Variants in ASIC2 observed in about 807,000 individuals in gnomAD.
ASIC2 encodes acid sensing ion channel subunit 2, also known as acid-sensing ion channel 2.
In ASIC2, 25 loss-of-function variants were observed where a neutral mutation model predicts 57.3. The ratio of observed to expected loss-of-function variants is 0.44; its 90% CI spans 0.32 to 0.61. ASIC2 has a LOEUF of 0.61. Among genes scored for constraint, ASIC2 ranks in the 20% least tolerant of loss-of-function variants. The pLI, the probability that ASIC2 is intolerant of heterozygous loss-of-function variation, is 0.06. For missense variants in ASIC2, 641 were observed against 738.1 expected, an observed-to-expected ratio of 0.87 and a Z score of 1.52; for synonymous variants, 319 against 307.5, an observed-to-expected ratio of 1.04 and a Z score of -0.39.
chr17:33,037,279 A>G (rs914493817), intron 3 of ASIC2, among the ~76,000 whole-genome samples: 14 of 151,936 alleles, frequency 9.2e-5, no homozygotes. Flanking sequence ...TTTGGGGGAA[A>G]CTCGTTTCTC....
rs1206092243 is a variant in ASIC2 at position 33,554,940 on chromosome 17, C to T, written c.556-442873G>A. Among the ~76,000 whole-genome samples the T allele has an allele frequency of 2.0e-5, 3 of 152,094 alleles. No individual in the cohort carries two copies. In the East Asian group the frequency reaches 5.8e-4, roughly 29 times the overall value. ...GAGCCTCTCACATATCAAGGTGAGG[C>T]TGAGGGTTTTAAATAAATTTTTATC... On this transcript the variant is annotated intron_variant, in intron 1 of 9. Coordinates refer to the ASIC2 transcript ENST00000359872.
intron 1 of ASIC2, among the ~76,000 whole-genome samples, chr17:33,551,161 T>C (rs1247389435): frequency 1.3e-5 from 2 of 152,184 alleles, no homozygotes; most frequent in East Asian, 3.8e-4. Context: ...GCTGTTAACA[T>C]TTGGTCGGAT....
At chr17:33,562,650 G>A (rs1475929984) in intron 1 of ASIC2, among the ~76,000 whole-genome samples, 1 of 152,160 alleles carries the variant, frequency 6.6e-6, no homozygotes, top group Non-Finnish European at 1.5e-5. Flanking sequence ...GGAAAAAGGA[G>A]CGTCTCAGAC....
chr17:33,530,615 G>A (rs1915021838), intron 1 of ASIC2, among the ~76,000 whole-genome samples: 1 of 152,228 alleles, frequency 6.6e-6, no homozygotes, highest in Admixed American at 6.5e-5. Flanking sequence ...TTTTGGGCCT[G>A]CACTAAGCCC....
At chr17:33,515,180 G>A (rs182701231) in intron 1 of ASIC2, among the ~76,000 whole-genome samples, 6 of 152,336 alleles carry the variant, frequency 3.9e-5, no homozygotes, top group Middle Eastern at 3.4e-3. Context: ...TTGCTCCGTC[G>A]CTGTTCCTGA....
At chr17:33,470,632 T>C (rs1324729212) in intron 1 of ASIC2, among the ~76,000 whole-genome samples, 1 of 152,208 alleles carries the variant, frequency 6.6e-6, no homozygotes, top group Non-Finnish European at 1.5e-5. Flanking sequence ...CATCACCTGC[T>C]CTTCAGTTCT....
intron 1 of ASIC2, among the ~76,000 whole-genome samples, chr17:33,274,414 T>C (rs372327303): frequency 6.6e-6 from 1 of 152,198 alleles, no homozygotes; most frequent in African/African-American, 2.4e-5. Context: ...TCCTAGCGTA[T>C]AGTTCTCCAA....
chr17:33,231,302 C>T (rs1323955654), intron 1 of ASIC2, among the ~76,000 whole-genome samples: 1 of 152,212 alleles, frequency 6.6e-6, no homozygotes, highest in Non-Finnish European at 1.5e-5. Context: ...GGCCTAATAT[C>T]TGTGGGAGTT....
intron 1 of ASIC2, among the ~76,000 whole-genome samples, chr17:33,850,904 G>A (rs999019938): frequency 3.3e-5 from 5 of 151,884 alleles, no homozygotes; most frequent in African/African-American, 7.3e-5. Flanking sequence ...GGACTTGGCC[G>A]TCCCAGCCCA....
chr17:33,479,023 G>A (rs890911006), intron 1 of ASIC2, among the ~76,000 whole-genome samples: 5 of 151,982 alleles, frequency 3.3e-5, no homozygotes, highest in Non-Finnish European at 5.9e-5. Flanking sequence ...ATTTTGAGAC[G>A]GAGTCTTGCT....
intron 1 of ASIC2, among the ~76,000 whole-genome samples, chr17:33,387,785 T>C (rs540334891): frequency 4.3e-4 from 65 of 152,288 alleles, no homozygotes; most frequent in African/African-American, 1.5e-3. Context: ...TGAAATTTGC[T>C]AAGAGGGGAG....
At chr17:33,852,123 C>A (rs140493511) in intron 1 of ASIC2, among the ~76,000 whole-genome samples, 38 of 152,352 alleles carry the variant, frequency 2.5e-4, no homozygotes, top group African/African-American at 8.7e-4. Context: ...AGCCAGCAGG[C>A]TGTGCAAGCA....
At chr17:33,354,332 C>T (rs866987735) in intron 1 of ASIC2, among the ~76,000 whole-genome samples, 2 of 152,122 alleles carry the variant, frequency 1.3e-5, no homozygotes, top group Non-Finnish European at 2.9e-5. Context: ...CACTATGAGC[C>T]CCCTGGAGGA....
chr17:33,023,476 C>T (rs1250675241), intron 6 of ASIC2, among the ~76,000 whole-genome samples: 1 of 147,614 alleles, frequency 6.8e-6, no homozygotes, highest in Non-Finnish European at 1.5e-5. Context: ...GGCAACAGGG[C>T]GAGGCTCCAT....
intron 1 of ASIC2, among the ~76,000 whole-genome samples, chr17:33,873,638 G>A (rs1188995910): frequency 6.6e-6 from 1 of 152,282 alleles, no homozygotes; most frequent in East Asian, 1.9e-4. Context: ...ATAAAGAATT[G>A]TTGTAAAGAT....
At chr17:34,039,147 G>C in intron 1 of ASIC2, 1 of 1,613,958 alleles carries the variant, frequency 6.2e-7, no homozygotes. Context: ...TCAAATCACA[G>C]ATGGCTCTTA....
chr17:33,874,046 C>T (rs378448), intron 1 of ASIC2, among the ~76,000 whole-genome samples: 38,475 of 152,146 alleles, frequency 0.25, 5,040 homozygotes, highest in Middle Eastern at 0.36. Context: ...TGGGTTTTAG[C>T]CCCACGTCTT....
chr17:33,740,220 G>A (rs544919403), intron 1 of ASIC2, among the ~76,000 whole-genome samples: 1 of 152,326 alleles, frequency 6.6e-6, no homozygotes, highest in South Asian at 2.1e-4. Context: ...CAAATATTAT[G>A]ATATATAGTT....
intron 1 of ASIC2, among the ~76,000 whole-genome samples, chr17:33,809,549 T>C (rs1244559279): frequency 6.6e-6 from 1 of 152,252 alleles, no homozygotes; most frequent in African/African-American, 2.4e-5. Context: ...AAGGTTTCTC[T>C]TCTTCCTTTT....
Sources: allele counts gnomAD v4.1 joint callset (sites outside exome capture counted in the v4.1 genomes callset), GRCh38; gene constraint gnomAD v4.1.1; transcripts MANE v1.5; gene names NCBI Gene and HGNC (gene_info 2026-07-23, HGNC 2026-07-21).